Variants in PTPRD observed in about 807,000 individuals in gnomAD.
PTPRD encodes receptor-type tyrosine-protein phosphatase delta.
In PTPRD, 34 loss-of-function variants were observed where a neutral mutation model predicts 214.5. The ratio of observed to expected loss-of-function variants is 0.16; its 90% CI spans 0.12 to 0.21. PTPRD has a LOEUF of 0.21. PTPRD is among the 10% of genes least tolerant of loss of function. The pLI, the probability that PTPRD is intolerant of heterozygous loss-of-function variation, is 1.00. For synonymous variants in PTPRD, 1,128 were observed against 845.7 expected, an observed-to-expected ratio of 1.33 and a Z score of -5.79; for missense variants, 2,545 against 2,398.7, an observed-to-expected ratio of 1.06 and a Z score of -1.27.
chr9:8,772,153 AC>A (rs977546918), intron 11 of PTPRD, among the ~76,000 whole-genome samples: 2 of 152,034 alleles, frequency 1.3e-5, no homozygotes, highest in Non-Finnish European at 2.9e-5. Flanking sequence ...AACAACAACA[AC>A]AACAACACAG....
chr9:10,047,063 A>T (rs933137412), intron 3 of PTPRD, among the ~76,000 whole-genome samples: 15 of 151,914 alleles, frequency 9.9e-5, no homozygotes, highest in Non-Finnish European at 1.6e-4. Flanking sequence ...TCTATCTTGT[A>T]TGACAAAGAA....
In PTPRD at chr9:10,342,805, C is replaced by T. The variant is rs1324605487; in HGVS notation, c.-599-1788G>A. ...AAATTCCATTAAGATAAATAATGTG[C>T]TTGTGTGTTTTCTTCCTCTATATTA... On this transcript the variant is annotated intron_variant, in intron 2 of 45. Transcript: ENST00000381196. Among the ~76,000 whole-genome samples, 10 of 151,986 alleles carry T rather than the reference C, an allele frequency of 6.6e-5. 1 individual carries two copies. Among genetic ancestry groups the T allele is most frequent in the Admixed American group, 6.6e-4 (10 of 15,248 alleles).
At chr9:10,098,041 C>T (rs1250861031) in intron 3 of PTPRD, among the ~76,000 whole-genome samples, 1 of 151,714 alleles carries the variant, frequency 6.6e-6, no homozygotes, top group African/African-American at 2.4e-5. Context: ...GACACATGCA[C>T]ACGTATGTTT....
At chr9:9,009,701 G>A (rs2099499993) in intron 11 of PTPRD, among the ~76,000 whole-genome samples, 2 of 151,998 alleles carry the variant, frequency 1.3e-5, no homozygotes, top group East Asian at 3.9e-4. Flanking sequence ...GGATAAAACT[G>A]GAGGATTTCA....
chr9:9,173,530 A>T (rs1256756463), intron 10 of PTPRD, among the ~76,000 whole-genome samples: 1 of 152,144 alleles, frequency 6.6e-6, no homozygotes, highest in Non-Finnish European at 1.5e-5. Flanking sequence ...GCTATATGGT[A>T]TAGCCTACTA....
At position 9,140,609 on chromosome 9, in the gene PTPRD, C is replaced by G. The variant is rs542513282; in HGVS notation, c.-143+42695G>C. On this transcript the variant is annotated intron_variant, in intron 10 of 45. Transcript: ENST00000381196. ...TTTTTATTTTTTTGAGACGGAGTCT[C>G]GCTCTGTCGCCCAGGCTGGAGTGCA... is the stretch of plus-strand genomic sequence containing the variant. Among the ~76,000 whole-genome samples, 51 of 152,308 alleles carry G rather than the reference C, an allele frequency of 3.3e-4. 1 individual carries two copies. Among genetic ancestry groups the G allele is most frequent in the African/African-American group, 1.2e-3 (51 of 41,574 alleles).
At chr9:10,300,858 C>CT (rs2095842502) in intron 3 of PTPRD, among the ~76,000 whole-genome samples, 1 of 152,106 alleles carries the variant, frequency 6.6e-6, no homozygotes, top group African/African-American at 2.4e-5. Flanking sequence ...CTTAAACATT[C>CT]CTGCCTGATA....
At chr9:9,522,876 T>C (rs575526414) in intron 8 of PTPRD, among the ~76,000 whole-genome samples, 2 of 152,124 alleles carry the variant, frequency 1.3e-5, no homozygotes, top group African/African-American at 4.8e-5. Context: ...TCTGGCTAAG[T>C]AGCAAGTTGC....
chr9:8,893,221 G>A (rs572575813), intron 11 of PTPRD, among the ~76,000 whole-genome samples: 1 of 152,132 alleles, frequency 6.6e-6, no homozygotes, highest in East Asian at 1.9e-4. Context: ...TAAAACAGAA[G>A]CATGTTCCTG....
Position 9,256,267 on chromosome 9 carries a change from C to T in PTPRD, c.-202-72904G>A, listed in dbSNP as rs147812282. ...AAAGGAAAGATCTCAAGGCTTTTAG[C>T]CTCTGTGGTTGAAAAAATGCTACTG... On this transcript the variant is annotated intron_variant, in intron 9 of 45. Coordinates refer to ENST00000381196, the MANE Select transcript of PTPRD (RefSeq NM_002839.4). Among the ~76,000 whole-genome samples, 638 of 152,022 alleles carry T rather than the reference C, an allele frequency of 4.2e-3. 6 individuals are homozygous for T. The highest frequency in any genetic ancestry group is 8.9e-3 in the African/African-American group (368 of 41,528).
chr9:8,680,660 T>C (rs939469551), intron 12 of PTPRD, among the ~76,000 whole-genome samples: 1 of 152,124 alleles, frequency 6.6e-6, no homozygotes, highest in Non-Finnish European at 1.5e-5. Context: ...CCTAGCAAAA[T>C]ACAGATACTA....
intron 12 of PTPRD, chr9:8,713,886 GC>G: frequency 1.0e-6 from 1 of 1,001,932 alleles, no homozygotes; most frequent in Non-Finnish European, 1.4e-6. Context: ...ACTCAGGAAC[GC>G]CCCGGTGGAA....
intron 5 of PTPRD, among the ~76,000 whole-genome samples, chr9:9,838,724 C>T (rs1399754699): frequency 2.6e-5 from 4 of 152,062 alleles, no homozygotes; most frequent in East Asian, 1.9e-4. Context: ...GTTGCCTGTT[C>T]ACTCTGATGG....
intron 7 of PTPRD, among the ~76,000 whole-genome samples, chr9:9,611,707 T>C: frequency 6.6e-6 from 1 of 152,164 alleles, no homozygotes; most frequent in East Asian, 1.9e-4. Flanking sequence ...TATATTTATA[T>C]ATAGTCTGAT....
At chr9:8,850,435 G>C (rs563569023) in intron 11 of PTPRD, among the ~76,000 whole-genome samples, 1 of 152,206 alleles carries the variant, frequency 6.6e-6, no homozygotes, top group East Asian at 1.9e-4. Flanking sequence ...GATGAAGAAA[G>C]TGAATGTCAA....
chr9:8,379,766 G>A (rs761910759), intron 37 of PTPRD, among the ~76,000 whole-genome samples: 1 of 152,132 alleles, frequency 6.6e-6, no homozygotes, highest in East Asian at 1.9e-4. Context: ...AGAACTAGAA[G>A]GCAGGAGCTA....
intron 10 of PTPRD, among the ~76,000 whole-genome samples, chr9:9,042,289 G>A (rs1177995678): frequency 3.3e-5 from 5 of 152,154 alleles, no homozygotes; most frequent in African/African-American, 1.2e-4. Context: ...AGAAAATCCT[G>A]AGGGGAAATG....
In PTPRD at chr9:8,527,289, T is replaced by A. The variant is rs565921244; in HGVS notation, c.550+56A>T. Reference sequence around the variant, plus strand: ...TGCATTTTATTAATAATAATAATAATATTCTGGATATGGAAATTAGTGGGG... The same window carrying A: ...TGCATTTTATTAATAATAATAATAAAATTCTGGATATGGAAATTAGTGGGG... On this transcript the variant is annotated intron_variant, in intron 16 of 45. Transcript: ENST00000381196. The A allele has an allele frequency of 3.9e-5, 61 of 1,545,758 alleles. No homozygotes were observed. The South Asian group carries it at 6.6e-4, about 17-fold the overall frequency.
intron 9 of PTPRD, among the ~76,000 whole-genome samples, chr9:9,194,937 C>T (rs1230771342): frequency 6.6e-6 from 1 of 151,510 alleles, no homozygotes; most frequent in African/African-American, 2.4e-5. Context: ...TTCCATTCTA[C>T]TAAGTGAAGG....
Sources: allele counts gnomAD v4.1 joint callset (sites outside exome capture counted in the v4.1 genomes callset), GRCh38; gene constraint gnomAD v4.1.1; transcripts MANE v1.5; gene names NCBI Gene and HGNC (gene_info 2026-07-23, HGNC 2026-07-21).